JAG2: variants seen among roughly 807,000 people sequenced by gnomAD.
The protein encoded by JAG2 is protein jagged-2.
A neutral mutation model predicts 141.7 loss-of-function variants in JAG2; 46 were observed. That is an observed-to-expected ratio of 0.32 (90% CI 0.26 to 0.42). The LOEUF is 0.42. JAG2 is among the 10% of genes least tolerant of loss of function. JAG2 has a pLI of 1.00. For missense variants in JAG2, 1,500 were observed against 1,817.5 expected (o/e 0.83, Z 3.18); for synonymous variants, 862 against 763.5 (o/e 1.13, Z -2.13).
At chr14:105,146,926 T>TAA (rs1888242802) in intron 20 of JAG2, 6 of 656,200 alleles carry the variant, frequency 9.1e-6, no homozygotes, top group African/African-American at 1.8e-5. Flanking sequence ...AGCACCCTCC[T>TAA]CCGTCTGCTT....
chr14:105,147,114 C>A, intron 20 of JAG2: 1 of 627,072 alleles, frequency 1.6e-6, no homozygotes, highest in Non-Finnish European at 2.9e-6. Flanking sequence ...ACTGGTCCCC[C>A]AGGCTGGGGC....
Position 105,152,179 on chromosome 14 carries a change from C to T in JAG2, c.901G>A (p.Gly301Ser), listed in dbSNP as rs147670846. The change falls in exon 6 of 26, where the codon GGC becomes AGC. Residue 301 changes from glycine (G) to serine (S), a missense_variant. Around this residue, in one of 3 missense-constraint regions of JAG2, gnomAD observed 875 missense variants for 1,202.2 expected, o/e 0.73. Transcript: ENST00000331782. ...WQCNCETNWG[G>S]LLCDKDLNYC... is the part of the protein sequence containing the mutation. ...CCACTACCTTTGTCACAGAGCAGGC[C>T]GCCCCAGTTGGTCTCACAGTTGCAC... 2 of 1,613,766 alleles carry T rather than the reference C, an allele frequency of 1.2e-6. No homozygotes were observed. Among genetic ancestry groups the T allele is most frequent in the East Asian group, 2.2e-5 (1 of 44,886 alleles).
At chr14:105,156,311 G>T (rs1314799838) in intron 3 of JAG2, among the ~76,000 whole-genome samples, 1 of 152,054 alleles carries the variant, frequency 6.6e-6, no homozygotes, top group African/African-American at 2.4e-5. Context: ...CTGCTGCCAG[G>T]GCGTGAGTCT....
Position 105,167,987 on chromosome 14 carries a change from C to A in JAG2, c.187G>T (p.Gly63Cys), listed in dbSNP as rs965974674. The change falls in exon 2 of 26, where the codon GGC (glycine) becomes TGC (cysteine). Residue 63 changes from glycine to cysteine, a missense_variant. By Grantham distance (159) the Gly-to-Cys change is radical (BLOSUM62 -3). This residue lies in a region of JAG2 where 200 missense variants were observed against 174.3 expected (regional missense o/e 1.15). Coordinates refer to ENST00000331782, the MANE Select transcript of JAG2 (RefSeq NM_002226.5). This position sits in a 1 kb window ranked among gnomAD's most constrained non-coding sequence, Gnocchi z 4.8. ...ACGTACGTGTCGCACTCGTCGTGGC[C>A]GCAGCCCCCCGCGCGCGTTGTCCGG... ...DGRTTRAGGCGHDECDTYVRV... is the reference protein window; with the variant it reads ...DGRTTRAGGCCHDECDTYVRV... 5.6e-6 allele frequency: 9 copies of A among 1,602,110 alleles called. No individual in the cohort carries two copies. The highest frequency in any genetic ancestry group is 7.6e-6 in the Non-Finnish European group (9 of 1,177,544).
At chr14:105,152,677 C>T (rs1441480655) in intron 5 of JAG2, among the ~76,000 whole-genome samples, 2 of 152,000 alleles carry the variant, frequency 1.3e-5, no homozygotes, top group Non-Finnish European at 2.9e-5. Context: ...GGTAGGCCAG[C>T]GGGCAGCAGG....
rs758633950 is a variant in JAG2, at chr14:105,149,032, C to T, written c.1811G>A (p.Gly604Asp). The change falls in exon 14 of 26, where the codon GGC (glycine) becomes GAC (aspartate). Residue 604 changes from glycine to aspartate, a missense_variant. Gly to Asp is a moderately conservative substitution (Grantham distance 94, BLOSUM62 -1). Coordinates refer to ENST00000331782, the MANE Select transcript of JAG2 (RefSeq NM_002226.5). ...GPGMPGTAAS[G>D]VCGPHGRCVS... ...GCAGCGTCCATGGGGGCCACACACG[C>T]CGGAGGCTGCTGTGCCAGGCATCCC... 5 of 1,607,196 alleles carry T rather than the reference C, an allele frequency of 3.1e-6. No homozygotes were observed. In the East Asian group the frequency reaches 9.0e-5, roughly 29 times the overall value.
chr14:105,168,367 C>T lies in JAG2; in HGVS notation c.54G>A (p.Ala18=), dbSNP rs1383386548. Residue 18 remains alanine, a synonymous_variant, in exon 1 of 26, where the codon GCG becomes GCA. Transcript: ENST00000331782. ...CCGCCCCGCTCACCTGCACCCAGAG[C>T]GCCAGCAGCAGCAGCAGCCGCCGGG... The part of the protein sequence containing the change: ...RLPRRLLLLL[A]LWVQAARPMG... 1 of 1,019,230 alleles carries T rather than the reference C, an allele frequency of 9.8e-7. No individual in the cohort carries two copies. The highest frequency in any genetic ancestry group is 1.2e-6 in the Non-Finnish European group (1 of 825,064). The allele number at this position is 1,019,230 out of a possible 1,614,324, so 63.1% of individuals were successfully genotyped here.
At chr14:105,168,149 G>C (rs1363815522) in intron 1 of JAG2, 42 bp from the exon 2 acceptor site, 5 of 1,433,460 alleles carry the variant, frequency 3.5e-6, no homozygotes, top group Admixed American at 2.6e-5. Context: ...GGCGCGGGCC[G>C]GGGTCGGCGG....
intron 24 of JAG2, among the ~76,000 whole-genome samples, chr14:105,144,660 CA>C (rs1219764265): frequency 1.3e-5 from 2 of 152,212 alleles, no homozygotes; most frequent in Non-Finnish European, 2.9e-5. Context: ...GACACAGAGA[CA>C]AAAACAGAGC....
chr14:105,144,954 C>G lies in JAG2; in HGVS notation c.3060G>C (p.Gly1020=). ...LVLLCDRASS[G]ASAVEVAVSF... ...CCACGGCCACCTCCACAGCACTGGCCCCCGAGGACGCCCGGTCGCAAAGCA... is the reference window on the plus strand; with the variant it reads ...CCACGGCCACCTCCACAGCACTGGCGCCCGAGGACGCCCGGTCGCAAAGCA... The change falls in exon 24 of 26, where the codon GGG becomes GGC. Residue 1020 remains glycine, a synonymous_variant. Transcript: ENST00000331782. The G allele has an allele frequency of 6.2e-7, 1 of 1,602,128 alleles. No individual in the cohort carries two copies. Among genetic ancestry groups the G allele is most frequent in the Non-Finnish European group, 8.5e-7 (1 of 1,177,348 alleles).
Position 105,149,717 on chromosome 14 carries a change from C to T in JAG2, c.1603-397G>A, listed in dbSNP as rs968644650. Among the ~76,000 whole-genome samples, 5 of 149,150 alleles carry T rather than the reference C, an allele frequency of 3.4e-5. No homozygotes were observed. The South Asian group carries it at 1.1e-3, about 33-fold the overall frequency. On this transcript the variant is annotated intron_variant, in intron 12 of 25. Transcript: ENST00000331782. ...CAGGTCCTGAGGTCAGACCCCTGCC[C>T]TGGGCCCCAAGAAGCCCTCTGGACA...
In JAG2 at chr14:105,146,644, G is replaced by A; in HGVS notation, c.2560C>T (p.Pro854Ser). ...CACCGGGGGCCGGCTCGGCCGGGTG[G>A]GCAGCTACAGCGATACCCGTTGATC... ...DEINGYRCSC[P>S]PGRAGPRCQE... is the part of the protein sequence containing the mutation. Residue 854 changes from proline to serine, a missense_variant, in exon 21 of 26, where the codon CCA becomes TCA. By Grantham distance (74) the Pro-to-Ser change is moderately conservative. Transcript: ENST00000331782. 2 of 1,612,668 alleles carry A rather than the reference G, an allele frequency of 1.2e-6. No individual in the cohort carries two copies. Among genetic ancestry groups the A allele is most frequent in the East Asian group, 2.2e-5 (1 of 44,884 alleles).
chr14:105,151,417 T>G, intron 8 of JAG2, 21 bp from the exon 9 acceptor site: 2 of 1,602,038 alleles, frequency 1.2e-6, no homozygotes, highest in Non-Finnish European at 8.5e-7. Flanking sequence ...TGGAGAAAGG[T>G]GGGGCCCTGG....
intron 2 of JAG2, among the ~76,000 whole-genome samples, chr14:105,159,468 G>A (rs904629781): frequency 3.3e-5 from 5 of 151,904 alleles, no homozygotes; most frequent in African/African-American, 1.2e-4. Context: ...CCATCTCCAG[G>A]GCTCCCTGAG....
rs1222175594 is a variant in JAG2 at position 105,146,587 on chromosome 14, C to A, written c.2593+24G>T. 8 of 1,608,600 alleles carry A rather than the reference C, an allele frequency of 5.0e-6. No homozygotes were observed. In the South Asian group the frequency reaches 7.7e-5, roughly 15 times the overall value. On this transcript the variant is annotated intron_variant, in intron 21 of 25. Transcript: ENST00000331782. ...CCCATGCCCCCCAACCCGCCCCAAC[C>A]CAGGGCAATCACACGGGGCCTACCT...
Position 105,168,422 on chromosome 14 carries a change from G to GC in JAG2, c.-3dup. The GC allele has an allele frequency of 2.2e-6, 2 of 904,740 alleles. No homozygotes were observed. The highest frequency in any genetic ancestry group is 2.6e-6 in the Non-Finnish European group (2 of 756,098). 56.0% of individuals were successfully genotyped at this position (904,740 alleles called of 1,614,324 possible). On this transcript the variant is annotated 5_prime_UTR_variant, in exon 1 of 26. Transcript: ENST00000331782. ...GCGCCCCCGGCCCTGCGCCCGCATT[G>GC]CCCCCGCGACCCGCCCGCCCGGCCC...
At position 105,147,345 on chromosome 14, in the gene JAG2, C is replaced by T. The variant is rs771736318; in HGVS notation, c.2460G>A (p.Ala820=). The change falls in exon 20 of 26, where the codon GCG becomes GCA. Residue 820 remains alanine, a synonymous_variant. Transcript: ENST00000331782. ...WFRCECAPGF[A]GPDCRINIDE... is the part of the protein sequence containing the mutation. ...ACTCACTGATGCGGCAGTCAGGCCC[C>T]GCGAAGCCAGGTGCACACTCGCAGC... 22 of 1,564,958 alleles carry T rather than the reference C, an allele frequency of 1.4e-5. No individual in the cohort carries two copies. Among genetic ancestry groups the T allele is most frequent in the African/African-American group, 5.4e-5 (4 of 73,584 alleles).
Position 105,154,705 on chromosome 14 carries a change from A to AC in JAG2, c.788+856dup, listed in dbSNP as rs1245085713. 6.7e-6 allele frequency among the ~76,000 whole-genome samples: 1 copy of AC among 149,850 alleles called. No homozygotes were observed. The highest frequency in any genetic ancestry group is 6.6e-5 in the Admixed American group (1 of 15,152). ...CGTCACCGCCTGAATGCCACCCCCC[A>AC]CAGGCCCCGCGTGGCGCAGGCCAGG... is the stretch of plus-strand genomic sequence containing the variant. On this transcript the variant is annotated intron_variant, in intron 5 of 25. Coordinates refer to ENST00000331782, the MANE Select transcript of JAG2 (RefSeq NM_002226.5). This position sits in a 1 kb window ranked among gnomAD's most constrained non-coding sequence, Gnocchi z 4.4.
Position 105,143,610 on chromosome 14 carries a change from T to C in JAG2, c.3113A>G (p.Asp1038Gly), listed in dbSNP as rs777383583. The stretch of plus-strand genomic sequence containing the variant: ...GGCCGCGCCCTGGATCAGGCTGCTG[T>C]CAGGCAGGTCCCTGGCAGGGCTGAA... Reference protein sequence around the residue: ...VSFSPARDLPDSSLIQGAAHA... With the variant: ...VSFSPARDLPGSSLIQGAAHA... The change falls in exon 25 of 26, where the codon GAC (aspartate) becomes GGC (glycine). Residue 1038 changes from aspartate to glycine, a missense_variant. Physicochemically the swap from Asp to Gly is moderately conservative, Grantham distance 94. Coordinates refer to ENST00000331782, the MANE Select transcript of JAG2 (RefSeq NM_002226.5). The C allele has an allele frequency of 3.7e-6, 6 of 1,608,288 alleles. No homozygotes were observed. The Admixed American group carries it at 6.7e-5, about 18-fold the overall frequency.
Sources: allele counts gnomAD v4.1 joint callset (sites outside exome capture counted in the v4.1 genomes callset), GRCh38; gene constraint gnomAD v4.1.1; regional missense constraint gnomAD v4.1.1; non-coding constraint Gnocchi (gnomAD v3.1); transcripts MANE v1.5; gene names NCBI Gene and HGNC (gene_info 2026-07-23, HGNC 2026-07-21).